The following CSMD1 variants were observed in gnomAD, a reference collection of about 807,000 sequenced individuals.
The protein encoded by CSMD1 is CUB and sushi domain-containing protein 1.
In CSMD1, 213 loss-of-function variants were observed where a neutral mutation model predicts 417.5. The observed-to-expected ratio is 0.51, with a 90% CI of 0.46 to 0.57. The LOEUF (loss-of-function observed/expected upper bound fraction) is 0.57, where lower values mean the gene tolerates loss of function less well. Ranked by LOEUF, CSMD1 falls within the 20% of genes least tolerant of loss-of-function variation. The probability of loss-of-function intolerance (pLI) is 0.00; values close to 1 mark genes in which losing one functional copy is unlikely to be tolerated. For synonymous variants in CSMD1, 2,862 were observed against 1,736.8 expected, an observed-to-expected ratio of 1.65 and a Z score of -16.11; for missense variants, 6,923 against 4,529.7, an observed-to-expected ratio of 1.53 and a Z score of -15.17.
intron 3 of CSMD1, among the ~76,000 whole-genome samples, chr8:4,244,323 CTT>C (rs1398412702): frequency 2.0e-5 from 3 of 152,144 alleles, no homozygotes; most frequent in Non-Finnish European, 2.9e-5. Flanking sequence ...ATGCCTGAAA[CTT>C]TGCCTGGAGC....
At chr8:4,938,935 T>C (rs541445745) in intron 1 of CSMD1, among the ~76,000 whole-genome samples, 1 of 147,302 alleles carries the variant, frequency 6.8e-6, no homozygotes, top group Non-Finnish European at 1.5e-5. Flanking sequence ...AACTTTTGTG[T>C]GTCTTCTTTG....
intron 3 of CSMD1, among the ~76,000 whole-genome samples, chr8:4,077,167 A>G (rs1799862383): frequency 1.3e-5 from 2 of 151,482 alleles, no homozygotes; most frequent in South Asian, 4.2e-4. Flanking sequence ...ACTGCACCCA[A>G]TGGGTAAAAA....
chr8:4,190,542 G>T (rs1299139250), intron 3 of CSMD1, among the ~76,000 whole-genome samples: 2 of 98,576 alleles, frequency 2.0e-5, no homozygotes, highest in Non-Finnish European at 2.3e-5. Context: ...ACACATATAA[G>T]CTTTTTTTTT....
chr8:3,841,412 G>C (rs954145636), intron 5 of CSMD1, among the ~76,000 whole-genome samples: 2 of 152,104 alleles, frequency 1.3e-5, no homozygotes, highest in Non-Finnish European at 2.9e-5. Context: ...CTTTTATGGA[G>C]AAAAGAAGAA....
intron 1 of CSMD1, among the ~76,000 whole-genome samples, chr8:4,765,579 A>G (rs1812409916): frequency 6.6e-6 from 1 of 152,238 alleles, no homozygotes; most frequent in Non-Finnish European, 1.5e-5. Flanking sequence ...TGAGATATGG[A>G]CAATGCTATC....
At chr8:4,551,289 G>C (rs553921659) in intron 2 of CSMD1, among the ~76,000 whole-genome samples, 37 of 152,182 alleles carry the variant, frequency 2.4e-4, no homozygotes, top group Admixed American at 7.2e-4. Flanking sequence ...ACTCAAGGCT[G>C]TATGTGAAAC....
intron 1 of CSMD1, among the ~76,000 whole-genome samples, chr8:4,672,014 T>C (rs1229269114): frequency 2.6e-5 from 4 of 152,200 alleles, no homozygotes; most frequent in Non-Finnish European, 5.9e-5. Flanking sequence ...GGTGGCTTAC[T>C]GAGAGCATGA....
At chr8:4,933,088 A>C (rs1030872598) in intron 1 of CSMD1, among the ~76,000 whole-genome samples, 13 of 139,886 alleles carry the variant, frequency 9.3e-5, no homozygotes, top group African/African-American at 2.9e-4. Context: ...TTGCGGCTTG[A>C]AGTAATTAAT....
chr8:3,633,442 G>T (rs148716602), intron 7 of CSMD1, among the ~76,000 whole-genome samples: 1 of 152,168 alleles, frequency 6.6e-6, no homozygotes, highest in Non-Finnish European at 1.5e-5. Flanking sequence ...GCAGGATAAT[G>T]CAAATAATAT....
At chr8:3,448,653 G>A (rs886796279) in intron 12 of CSMD1, among the ~76,000 whole-genome samples, 1 of 152,074 alleles carries the variant, frequency 6.6e-6, no homozygotes, top group Non-Finnish European at 1.5e-5. Flanking sequence ...GGGGCAGCAT[G>A]AGTGGAGGCC....
chr8:3,525,938 G>C (rs557444308), intron 10 of CSMD1, among the ~76,000 whole-genome samples: 2 of 152,262 alleles, frequency 1.3e-5, no homozygotes, highest in South Asian at 2.1e-4. Context: ...TACATGCATT[G>C]TTCTTAAGCC....
intron 1 of CSMD1, among the ~76,000 whole-genome samples, chr8:4,794,249 G>A (rs1224776166): frequency 6.6e-6 from 1 of 151,830 alleles, no homozygotes; most frequent in Non-Finnish European, 1.5e-5. Context: ...GTAATATTTT[G>A]AAAAATCCCA....
chr8:4,507,698 G>A (rs1269323154), intron 2 of CSMD1, among the ~76,000 whole-genome samples: 2 of 152,146 alleles, frequency 1.3e-5, no homozygotes, highest in Non-Finnish European at 2.9e-5. Flanking sequence ...ATACTCACCA[G>A]GCTGAAGAGA....
chr8:4,957,951 C>G (rs534636483), intron 1 of CSMD1, among the ~76,000 whole-genome samples: 1 of 152,158 alleles, frequency 6.6e-6, no homozygotes, highest in Non-Finnish European at 1.5e-5. Context: ...ACTCCTTCTG[C>G]TTTTCTCTCC....
chr8:4,320,636 G>C (rs1443053857), intron 3 of CSMD1, among the ~76,000 whole-genome samples: 2 of 151,782 alleles, frequency 1.3e-5, no homozygotes, highest in Non-Finnish European at 2.9e-5. Flanking sequence ...GTGTTACTTT[G>C]CTGAGAATGA....
At chr8:3,332,377 C>T (rs1806961682) in intron 23 of CSMD1, among the ~76,000 whole-genome samples, 1 of 152,208 alleles carries the variant, frequency 6.6e-6, no homozygotes, top group African/African-American at 2.4e-5. Context: ...CACCTCCAGA[C>T]ATCTCTGAGT....
intron 3 of CSMD1, among the ~76,000 whole-genome samples, chr8:4,332,192 G>T (rs554652623): frequency 1.3e-5 from 2 of 152,034 alleles, no homozygotes; most frequent in Non-Finnish European, 2.9e-5. Context: ...GAAATAATGA[G>T]GTTTGTGAGC....
At chr8:4,874,323 G>A (rs183982497) in intron 1 of CSMD1, among the ~76,000 whole-genome samples, 1 of 151,156 alleles carries the variant, frequency 6.6e-6, no homozygotes, top group Admixed American at 6.6e-5. Context: ...ATTTTAATTT[G>A]CAGTACTTAT....
intron 3 of CSMD1, among the ~76,000 whole-genome samples, chr8:4,291,473 T>G (rs1797359678): frequency 6.6e-6 from 1 of 152,220 alleles, no homozygotes; most frequent in South Asian, 2.1e-4. Flanking sequence ...TTTTTCTTTT[T>G]TATCTACTAA....
Sources: gnomAD v4.1 joint callset for allele counts (sites outside exome capture counted in the v4.1 genomes callset) on GRCh38, gnomAD v4.1.1 for gene constraint, MANE v1.5 for transcripts, NCBI Gene and HGNC (gene_info 2026-07-23, HGNC 2026-07-21) for gene names.